ERP44: variants seen among roughly 807,000 people sequenced by gnomAD.
The protein encoded by ERP44 is endoplasmic reticulum protein 44.
Under a neutral mutation model 53.4 loss-of-function variants are expected in ERP44, and 25 were observed. The ratio of observed to expected loss-of-function variants is 0.47; its 90% confidence interval spans 0.34 to 0.65. The LOEUF (loss-of-function observed/expected upper bound fraction) is 0.65. Among genes scored for constraint, ERP44 ranks in the 30% least tolerant of loss-of-function variants. The pLI is 0.01. For missense variants in ERP44, 338 were observed against 493.2 expected (o/e 0.69, Z 2.98); for synonymous variants, 145 against 161.2 (o/e 0.90, Z 0.76).
intron 4 of ERP44, among the ~76,000 whole-genome samples, chr9:100,033,857 C>G (rs563987602): frequency 6.6e-6 from 1 of 152,274 alleles, no homozygotes; most frequent in East Asian, 1.9e-4. Context: ...CTCCTCTCTA[C>G]CCTGAATACA....
At chr9:100,054,332 GA>G (rs1162847410) in intron 3 of ERP44, among the ~76,000 whole-genome samples, 4 of 152,312 alleles carry the variant, frequency 2.6e-5, no homozygotes, top group Middle Eastern at 3.4e-3. Flanking sequence ...GAGGGCAAGG[GA>G]GGCAAGGAGT....
chr9:99,998,558 T>C, intron 10 of ERP44: 1 of 728,118 alleles, frequency 1.4e-6, no homozygotes, highest in Non-Finnish European at 2.6e-6. Context: ...GGAAAGCCAG[T>C]CAGGCTCGTG....
intron 10 of ERP44, among the ~76,000 whole-genome samples, chr9:99,988,084 C>T (rs1005249672): frequency 6.6e-6 from 1 of 152,194 alleles, no homozygotes; most frequent in African/African-American, 2.4e-5. Flanking sequence ...AATCCACCAG[C>T]AATGTATGAA....
At chr9:100,064,687 C>T (rs1422185002) in intron 1 of ERP44, among the ~76,000 whole-genome samples, 2 of 152,144 alleles carry the variant, frequency 1.3e-5, no homozygotes, top group Admixed American at 1.3e-4. Flanking sequence ...TGAGAGGCTA[C>T]ATATATGACA....
At chr9:100,063,221 A>C in intron 1 of ERP44, among the ~76,000 whole-genome samples, 1 of 152,174 alleles carries the variant, frequency 6.6e-6, no homozygotes, top group Non-Finnish European at 1.5e-5. Context: ...TATTACTTTA[A>C]AAATACTGTG....
chr9:100,081,047 C>A (rs1250508182), intron 1 of ERP44, among the ~76,000 whole-genome samples: 1 of 150,784 alleles, frequency 6.6e-6, no homozygotes. Context: ...ATATGAAAAT[C>A]AAGACTAAAT....
rs34197217 is a variant in ERP44, at chr9:99,982,416, G to GTTTT, written c.*192_*195dup. On this transcript the variant is annotated 3_prime_UTR_variant, in exon 12 of 12. Coordinates refer to ENST00000262455, the MANE Select transcript of ERP44 (RefSeq NM_015051.3). ...GATTTTTATTTTTAAATCCTAGCAG[G>GTTTT]TTTTTTTTTTTTAAGAGGCTACTAT... 9.5e-4 allele frequency: 216 copies of GTTTT among 226,712 alleles called. No individual in the cohort carries two copies. The highest frequency in any genetic ancestry group is 2.3e-3 in the East Asian group (26 of 11,332). 14.0% of individuals were successfully genotyped at this position (226,712 alleles called of 1,614,324 possible).
At position 99,980,884 on chromosome 9, in the gene ERP44, C is replaced by T. The variant is rs1478901766; in HGVS notation, c.*1728G>A. On this transcript the variant is annotated 3_prime_UTR_variant, in exon 12 of 12. Transcript: ENST00000262455. ...CTTGAGGCCTTTTTCATAATAACTA[C>T]TCTCAAGCCAGCTCTCTGCAACCTA... The T allele has an allele frequency of 6.6e-6, 1 of 152,190 alleles. No individual in the cohort carries two copies. Among genetic ancestry groups the T allele is most frequent in the East Asian group, 1.9e-4 (1 of 5,202 alleles). 9.4% of individuals were successfully genotyped at this position (152,190 alleles called of 1,614,324 possible). A position where few individuals can be genotyped will look rare whatever the true frequency, so the allele number is the denominator to read the frequency against.
rs566996255 is a variant in ERP44 at position 100,005,848 on chromosome 9, C to T, written c.1016+658G>A. On this transcript the variant is annotated intron_variant, in intron 10 of 11. Coordinates refer to ENST00000262455, the MANE Select transcript of ERP44 (RefSeq NM_015051.3). ...CAAAATAAAATGTCTAACTTGAATA[C>T]CTGTATTGCTTAAACTTTTCGTATA... is the stretch of plus-strand genomic sequence containing the variant. Among the ~76,000 whole-genome samples, 7 of 152,288 alleles carry T rather than the reference C, an allele frequency of 4.6e-5. No individual in the cohort carries two copies. The South Asian group carries it at 1.2e-3, about 27-fold the overall frequency.
chr9:100,060,680 A>C (rs1417592144), intron 1 of ERP44, among the ~76,000 whole-genome samples: 2 of 152,214 alleles, frequency 1.3e-5, no homozygotes, highest in Admixed American at 6.5e-5. Flanking sequence ...AATGTGTTAC[A>C]TGAGAGGCTA....
intron 10 of ERP44, among the ~76,000 whole-genome samples, chr9:100,001,339 ATATAAG>A (rs1268346356): frequency 5.3e-5 from 8 of 152,174 alleles, no homozygotes; most frequent in African/African-American, 1.4e-4. Flanking sequence ...AGAATGTTCT[ATATAAG>A]TATGTTAGGT....
chr9:99,997,864 G>A (rs1251638986), intron 10 of ERP44, among the ~76,000 whole-genome samples: 1 of 149,740 alleles, frequency 6.7e-6, no homozygotes, highest in Non-Finnish European at 1.5e-5. Flanking sequence ...CTCTTTACTC[G>A]ACACCACAGC....
At chr9:99,993,191 G>A (rs1359752084) in intron 10 of ERP44, among the ~76,000 whole-genome samples, 2 of 152,122 alleles carry the variant, frequency 1.3e-5, no homozygotes, top group Non-Finnish European at 2.9e-5. Context: ...CCAAAAAAGA[G>A]CCCCATTGCC....
chr9:99,985,355 T>G (rs968837318), intron 10 of ERP44, among the ~76,000 whole-genome samples: 1 of 152,220 alleles, frequency 6.6e-6, no homozygotes, highest in Non-Finnish European at 1.5e-5. Context: ...TAACCATTTT[T>G]TATTAATGGG....
At chr9:100,057,725 A>C in intron 3 of ERP44, 95 bp downstream of exon 3, 2 of 885,898 alleles carry the variant, frequency 2.3e-6, no homozygotes, top group Non-Finnish European at 3.7e-6. Context: ...TACTGTCTTG[A>C]AATAGAAAAA....
At chr9:100,002,256 GT>G (rs1830385726) in intron 10 of ERP44, among the ~76,000 whole-genome samples, 2 of 151,746 alleles carry the variant, frequency 1.3e-5, no homozygotes, top group South Asian at 4.2e-4. Flanking sequence ...TAATAGTTCT[GT>G]CTTTTATCCT....
At chr9:100,011,788 T>C (rs1272697323) in intron 8 of ERP44, among the ~76,000 whole-genome samples, 3 of 152,166 alleles carry the variant, frequency 2.0e-5, no homozygotes, top group Non-Finnish European at 2.9e-5. Flanking sequence ...AGAACATTAC[T>C]GAATAAAAAA....
intron 4 of ERP44, among the ~76,000 whole-genome samples, chr9:100,029,862 G>A (rs944245614): frequency 6.6e-6 from 1 of 152,182 alleles, no homozygotes; most frequent in African/African-American, 2.4e-5. Context: ...GACCGAGGCG[G>A]GCAGATCATG....
Position 99,982,632 on chromosome 9 carries a change from T to A in ERP44, c.1201A>T (p.Arg401Trp). ...APSEYRYTLLRDRDEL is the reference protein window; with the variant it reads ...APSEYRYTLLWDRDEL Reference sequence around the variant, plus strand: ...AGTTTTTAAAGCTCATCTCGATCCCTCAATAGAGTATACCTATATTCACTG... The same window carrying A: ...AGTTTTTAAAGCTCATCTCGATCCCACAATAGAGTATACCTATATTCACTG... The change falls in exon 12 of 12, where the codon AGG becomes TGG. Residue 401 changes from arginine (R) to tryptophan (W), a missense_variant. Around this residue, in one of 3 missense-constraint regions of ERP44, gnomAD observed 113 missense variants for 172.6 expected, o/e 0.65. Coordinates refer to ENST00000262455, the MANE Select transcript of ERP44 (RefSeq NM_015051.3). 1 of 1,596,524 alleles carries A rather than the reference T, an allele frequency of 6.3e-7. No homozygotes were observed. The highest frequency in any genetic ancestry group is 8.5e-7 in the Non-Finnish European group (1 of 1,173,530).
Sources: gnomAD v4.1 joint callset for allele counts (sites outside exome capture counted in the v4.1 genomes callset) on GRCh38, gnomAD v4.1.1 for gene constraint, gnomAD v4.1.1 regional missense constraint, MANE v1.5 for transcripts, NCBI Gene and HGNC (gene_info 2026-07-23, HGNC 2026-07-21) for gene names.